The following ACSM2B variants were observed in gnomAD, a reference collection of about 807,000 sequenced individuals.
ACSM2B encodes the protein acyl-CoA synthetase medium chain family member 2B.
ACSM2B carries 58 observed loss-of-function variants against 78.6 expected under a neutral mutation model. The ratio of observed to expected loss-of-function variants is 0.74; its 90% confidence interval spans 0.60 to 0.92. ACSM2B has a LOEUF of 0.92. Ranked by LOEUF, ACSM2B falls within the 40% of genes least tolerant of loss-of-function variation. The pLI, the probability that ACSM2B is intolerant of heterozygous loss-of-function variation, is 0.00. For synonymous variants in ACSM2B, 257 were observed against 256.8 expected, an observed-to-expected ratio of 1.00 and a Z score of -0.01; for missense variants, 688 against 711.2, an observed-to-expected ratio of 0.97 and a Z score of 0.37.
At chr16:20,545,506 A>G (rs2015111221) in intron 9 of ACSM2B, among the ~76,000 whole-genome samples, 1 of 152,192 alleles carries the variant, frequency 6.6e-6, no homozygotes, top group Non-Finnish European at 1.5e-5. Context: ...TTTTGGCTCT[A>G]GGAGCTCAGA....
chr16:20,548,139 G>A lies in ACSM2B; in HGVS notation c.1021C>T (p.Leu341Phe), dbSNP rs775599735. 14 of 1,613,976 alleles carry A rather than the reference G, an allele frequency of 8.7e-6. No individual in the cohort carries two copies. The Admixed American group carries it at 2.3e-4, about 27-fold the overall frequency. ...LQNCLAGGES[L>F]LPETLENWRA... is the part of the protein sequence containing the mutation. ...CAGTTCTCCAGAGTTTCTGGAAGAA[G>A]GGACTCCCCTCCAGCGAGGCAGTTC... Residue 341 changes from leucine (L) to phenylalanine (F), a missense_variant, in exon 8 of 14, where the codon CTT (leucine) becomes TTT (phenylalanine). Transcript: ENST00000329697.
At chr16:20,549,686 A>G in intron 6 of ACSM2B, 1 of 414,298 alleles carries the variant, frequency 2.4e-6, no homozygotes, top group African/African-American at 2.1e-5. Flanking sequence ...AGGTCCTGAG[A>G]ACACGTGCCC....
intron 8 of ACSM2B, chr16:20,547,175 C>A: frequency 9.9e-7 from 1 of 1,006,384 alleles, no homozygotes; most frequent in Non-Finnish European, 1.2e-6. Flanking sequence ...GATTGACCCA[C>A]CTCAGAAGAG....
rs756522282 is a variant in ACSM2B, at chr16:20,559,422, G to A, written c.203C>T (p.Ala68Val). 6.2e-7 allele frequency: 1 copy of A among 1,613,038 alleles called. No homozygotes were observed. Among genetic ancestry groups the A allele is most frequent in the Non-Finnish European group, 8.5e-7 (1 of 1,179,506 alleles). Reference protein sequence around the residue: ...EKAGKRLPSPALWWVNGKGKE... With the variant: ...EKAGKRLPSPVLWWVNGKGKE... ...CCCCTTCCCATTCACCCACCACAGG[G>A]CTGGGCTTGGGAGTCGCTTGCCAGC... The change falls in exon 3 of 14, where the codon GCC becomes GTC. Residue 68 changes from alanine (A) to valine (V), a missense_variant. Physicochemically the swap from Ala to Val is moderately conservative, Grantham distance 64. Transcript: ENST00000329697.
chr16:20,564,737 G>A lies in ACSM2B; in HGVS notation c.109C>T (p.His37Tyr). The change falls in exon 2 of 14, where the codon CAC (histidine) becomes TAC (tyrosine). Residue 37 changes from histidine (H) to tyrosine (Y), a missense_variant. His to Tyr is a moderately conservative substitution (Grantham distance 83). Coordinates refer to ENST00000329697, the MANE Select transcript of ACSM2B (RefSeq NM_001105069.2). The part of the protein sequence containing the change: ...SRQLVSLQWG[H>Y]QEVPAKFNFA... Reference sequence around the variant, plus strand: ...TTAAACTTGGCCGGCACTTCCTGGTGGCCCCACTGCAGGGACACCAGTTGC... The same window carrying A: ...TTAAACTTGGCCGGCACTTCCTGGTAGCCCCACTGCAGGGACACCAGTTGC... 1.2e-6 allele frequency: 2 copies of A among 1,613,514 alleles called. No homozygotes were observed. The highest frequency in any genetic ancestry group is 1.7e-6 in the Non-Finnish European group (2 of 1,179,750).
At chr16:20,539,900 C>G (rs145706482) in intron 13 of ACSM2B, among the ~76,000 whole-genome samples, 1 of 147,964 alleles carries the variant, frequency 6.8e-6, no homozygotes, top group Non-Finnish European at 1.5e-5. Flanking sequence ...AAGAGAGACA[C>G]CTGACCACAT....
Position 20,540,883 on chromosome 16 carries a change from G to A in ACSM2B, c.1510-110C>T, listed in dbSNP as rs534188643. ...GCATCACCCTTGTATCTACTCATTTGCACCCCCGGTGATCCAGGTCAAGGG... is the reference window on the plus strand; with the variant it reads ...GCATCACCCTTGTATCTACTCATTTACACCCCCGGTGATCCAGGTCAAGGG... On this transcript the variant is annotated intron_variant, in intron 12 of 13. Transcript: ENST00000329697. 82 of 1,448,774 alleles carry A rather than the reference G, an allele frequency of 5.7e-5. 1 individual carries two copies. In the South Asian group the frequency reaches 1.0e-3, roughly 18 times the overall value. The allele number at this position is 1,448,774 out of a possible 1,614,324, so 89.7% of individuals were successfully genotyped here.
At chr16:20,564,280 G>A (rs1395619736) in intron 2 of ACSM2B, among the ~76,000 whole-genome samples, 1 of 151,472 alleles carries the variant, frequency 6.6e-6, no homozygotes, top group Admixed American at 6.6e-5. Context: ...AAACATTTTT[G>A]GTAGAGACAG....
At chr16:20,547,732 A>T in intron 8 of ACSM2B, 2 of 1,072,606 alleles carry the variant, frequency 1.9e-6, no homozygotes, top group Non-Finnish European at 1.2e-6. Flanking sequence ...GAACTTTCTG[A>T]CTACCATATG....
chr16:20,566,882 TA>T (rs1290800356), intron 1 of ACSM2B, among the ~76,000 whole-genome samples: 1 of 127,308 alleles, frequency 7.9e-6, no homozygotes, highest in African/African-American at 2.9e-5. Context: ...TCTCTATATA[TA>T]ATATATGATA....
chr16:20,546,567 G>A, intron 8 of ACSM2B, 93 bp from the exon 9 acceptor site: 1 of 1,489,442 alleles, frequency 6.7e-7, no homozygotes, highest in Non-Finnish European at 9.0e-7. Flanking sequence ...TCCTGACACT[G>A]TCCTGAACTT....
intron 6 of ACSM2B, 104 bp downstream of exon 6, chr16:20,552,040 A>G (rs1219793471): frequency 1.5e-4 from 225 of 1,515,780 alleles, no homozygotes; most frequent in Middle Eastern, 3.7e-4. Flanking sequence ...CACATGGCAG[A>G]GGTTTAGCAA....
At chr16:20,541,410 C>CA (rs1168216771) in intron 12 of ACSM2B, 1 of 152,186 alleles carries the variant, frequency 6.6e-6, no homozygotes, top group Admixed American at 6.5e-5. Context: ...CACTAGACCC[C>CA]ATCTGAGCCT....
At chr16:20,572,706 G>A (rs1424703626) in intron 1 of ACSM2B, among the ~76,000 whole-genome samples, 2 of 151,520 alleles carry the variant, frequency 1.3e-5, no homozygotes, top group Non-Finnish European at 2.9e-5. Flanking sequence ...TCTCAAGGAT[G>A]CCAATTATTC....
chr16:20,546,626 C>G, intron 8 of ACSM2B, 152 bp from the exon 9 acceptor site: 1 of 1,305,588 alleles, frequency 7.7e-7, no homozygotes, highest in Non-Finnish European at 1.0e-6. Flanking sequence ...GGCTCTCTCC[C>G]CATTACTGGA....
intron 1 of ACSM2B, among the ~76,000 whole-genome samples, chr16:20,573,759 G>A (rs540302235): frequency 3.2e-4 from 48 of 151,622 alleles, no homozygotes; most frequent in African/African-American, 8.7e-4. Flanking sequence ...TGGTGACCCC[G>A]AGCAGCAAAA....
intron 3 of ACSM2B, among the ~76,000 whole-genome samples, chr16:20,556,895 T>A (rs2152140229): frequency 6.6e-6 from 1 of 152,274 alleles, no homozygotes; most frequent in East Asian, 1.9e-4. Flanking sequence ...GTTCTCTCTT[T>A]CCACAGGCTT....
intron 12 of ACSM2B, chr16:20,541,933 A>C (rs1355703594): frequency 6.9e-6 from 1 of 145,734 alleles, no homozygotes; most frequent in Admixed American, 6.8e-5. Flanking sequence ...CATCTGCCTC[A>C]GCCTCCCAAC....
At chr16:20,565,076 A>C (rs548927022) in intron 1 of ACSM2B, among the ~76,000 whole-genome samples, 9 of 152,294 alleles carry the variant, frequency 5.9e-5, no homozygotes, top group East Asian at 1.9e-4. Flanking sequence ...GATCCTACAT[A>C]TTCAACACTT....
Sources: allele counts gnomAD v4.1 joint callset (sites outside exome capture counted in the v4.1 genomes callset), GRCh38; gene constraint gnomAD v4.1.1; transcripts MANE v1.5; gene names NCBI Gene and HGNC (gene_info 2026-07-23, HGNC 2026-07-21).